PSD3: variants seen among roughly 807,000 people sequenced by gnomAD.
The protein encoded by PSD3 is pleckstrin and Sec7 domain containing 3, also known as PH and SEC7 domain-containing protein 3.
Under a neutral mutation model 105.5 loss-of-function variants are expected in PSD3, and 49 were observed. The ratio of observed to expected loss-of-function variants is 0.46; its 90% CI spans 0.37 to 0.59. PSD3 has a LOEUF of 0.59. Ranked by LOEUF, PSD3 falls within the 20% of genes least tolerant of loss-of-function variation. PSD3 has a pLI of 0.00. For missense variants in PSD3, 1,561 were observed against 1,263.8 expected (o/e 1.24, Z -3.57); for synonymous variants, 557 against 457.8 (o/e 1.22, Z -2.77).
In PSD3 at chr8:18,745,205, C is replaced by T. The variant is rs567158804; in HGVS notation, c.2172+20244G>A. Among the ~76,000 whole-genome samples the T allele has an allele frequency of 1.4e-4, 21 of 152,286 alleles. 1 individual carries two copies. In the South Asian group the frequency reaches 4.1e-3, roughly 30 times the overall value. On this transcript the variant is annotated intron_variant, in intron 9 of 15. Coordinates refer to ENST00000327040, the MANE Select transcript of PSD3 (RefSeq NM_015310.4). Reference sequence around the variant, plus strand: ...TCCTGGGAGAGATACTTTGAGACTACACAAATATCCTGTTTCTTCCCTAAC... The same window carrying T: ...TCCTGGGAGAGATACTTTGAGACTATACAAATATCCTGTTTCTTCCCTAAC...
chr8:18,618,954 C>T lies in PSD3; in HGVS notation c.2410+13659G>A, dbSNP rs73584000. ...GTGTCCAAAGATATCACGGAACTTCCTTTTGTAATTCAGTTCTCAGCCGAG... is the reference window on the plus strand; with the variant it reads ...GTGTCCAAAGATATCACGGAACTTCTTTTTGTAATTCAGTTCTCAGCCGAG... On this transcript the variant is annotated intron_variant, in intron 11 of 15. Transcript: ENST00000327040. Among the ~76,000 whole-genome samples, 309 of 152,218 alleles carry T rather than the reference C, an allele frequency of 2.0e-3. 2 individuals are homozygous for T. Among genetic ancestry groups the T allele is most frequent in the African/African-American group, 7.2e-3 (298 of 41,510 alleles).
chr8:18,827,382 G>A (rs1400685195), intron 4 of PSD3, among the ~76,000 whole-genome samples: 1 of 152,138 alleles, frequency 6.6e-6, no homozygotes, highest in Non-Finnish European at 1.5e-5. Flanking sequence ...CTTGTCCAAA[G>A]CAGTGCAAGA....
Position 18,605,376 on chromosome 8 carries a change from CT to C in PSD3, c.2411-4943del, listed in dbSNP as rs36029670. Among the ~76,000 whole-genome samples the C allele has an allele frequency of 8.8e-4, 133 of 151,522 alleles. 1 individual carries two copies. The highest frequency in any genetic ancestry group is 2.8e-3 in the African/African-American group (116 of 41,302). On this transcript the variant is annotated intron_variant, in intron 11 of 15. Transcript: ENST00000327040. ...CAGACTTCTATGGAGCCTGTAGCCCCTTTTTTTTGGTCCATATATTCCTTTT... is the reference window on the plus strand; with the variant it reads ...CAGACTTCTATGGAGCCTGTAGCCCCTTTTTTTGGTCCATATATTCCTTTT...
intron 8 of PSD3, among the ~76,000 whole-genome samples, chr8:18,773,824 G>A (rs1425327975): frequency 1.3e-5 from 2 of 152,116 alleles, no homozygotes; most frequent in African/African-American, 4.8e-5. Flanking sequence ...TGATTCTGTG[G>A]AATCTGAAGA....
At chr8:18,951,160 C>A (rs535702012) in intron 1 of PSD3, among the ~76,000 whole-genome samples, 5 of 152,018 alleles carry the variant, frequency 3.3e-5, no homozygotes, top group African/African-American at 1.2e-4. Flanking sequence ...TTTGGGAGGC[C>A]GTGGTGGGAA....
intron 8 of PSD3, among the ~76,000 whole-genome samples, chr8:18,767,678 T>C (rs935400003): frequency 2.0e-5 from 3 of 151,422 alleles, no homozygotes; most frequent in Non-Finnish European, 4.4e-5. Flanking sequence ...ACCCGGGAGG[T>C]GGAGGATGCA....
chr8:18,704,588 C>T (rs1287501472), intron 9 of PSD3, among the ~76,000 whole-genome samples: 1 of 152,226 alleles, frequency 6.6e-6, no homozygotes, highest in Non-Finnish European at 1.5e-5. Context: ...GATCTGCCTG[C>T]CTCAGCCTCA....
intron 4 of PSD3, among the ~76,000 whole-genome samples, chr8:18,828,067 A>ATATATATAT (rs371473289): frequency 1.6e-4 from 19 of 118,896 alleles, no homozygotes; most frequent in African/African-American, 4.6e-4. Context: ...ATATATATAT[A>ATATATATAT]TTTTTTTTTT....
At chr8:18,664,373 G>C (rs1809565224) in intron 9 of PSD3, among the ~76,000 whole-genome samples, 1 of 152,180 alleles carries the variant, frequency 6.6e-6, no homozygotes, top group Non-Finnish European at 1.5e-5. Context: ...AAATGGTCTG[G>C]ATAGAAGATC....
At chr8:18,941,391 C>A (rs1329319924) in intron 1 of PSD3, among the ~76,000 whole-genome samples, 2 of 151,926 alleles carry the variant, frequency 1.3e-5, no homozygotes, top group Admixed American at 1.3e-4. Context: ...AATGATTCTT[C>A]ACACTTCTGA....
chr8:19,023,660 C>T (rs1021857343), intron 1 of PSD3, among the ~76,000 whole-genome samples: 1 of 152,058 alleles, frequency 6.6e-6, no homozygotes, highest in Non-Finnish European at 1.5e-5. Flanking sequence ...TGGTCTGGAA[C>T]TCCCGGCCTC....
At chr8:18,596,782 T>A (rs1804135350) in intron 12 of PSD3, among the ~76,000 whole-genome samples, 1 of 151,964 alleles carries the variant, frequency 6.6e-6, no homozygotes, top group Non-Finnish European at 1.5e-5. Flanking sequence ...TACGGAGAGG[T>A]AGAAAATCTG....
chr8:18,934,465 C>T (rs1319927695), intron 2 of PSD3, among the ~76,000 whole-genome samples: 1 of 152,098 alleles, frequency 6.6e-6, no homozygotes, highest in African/African-American at 2.4e-5. Context: ...GGCTGGAGTG[C>T]AGTGGCGTGA....
chr8:18,848,248 G>A (rs560102339), intron 4 of PSD3, among the ~76,000 whole-genome samples: 1 of 152,288 alleles, frequency 6.6e-6, no homozygotes, highest in East Asian at 1.9e-4. Flanking sequence ...GTCTTCAGAT[G>A]TGTTTTCCTA....
chr8:18,925,429 A>G (rs1821300838), intron 2 of PSD3, among the ~76,000 whole-genome samples: 1 of 152,074 alleles, frequency 6.6e-6, no homozygotes, highest in Non-Finnish European at 1.5e-5. Flanking sequence ...ATATACATAT[A>G]ATAAAAATTC....
chr8:18,809,505 A>C (rs911474127), intron 4 of PSD3, among the ~76,000 whole-genome samples: 3 of 152,360 alleles, frequency 2.0e-5, no homozygotes, highest in Non-Finnish European at 2.9e-5. Context: ...GGTACCCAAT[A>C]AAATTTGAAT....
chr8:18,757,735 T>A (rs898921734), intron 9 of PSD3, among the ~76,000 whole-genome samples: 3 of 152,224 alleles, frequency 2.0e-5, no homozygotes, highest in Non-Finnish European at 4.4e-5. Context: ...TCTTCAAATA[T>A]CCAGAGTAAA....
intron 1 of PSD3, among the ~76,000 whole-genome samples, chr8:19,082,707 A>G (rs1472350027): frequency 6.6e-6 from 1 of 152,182 alleles, no homozygotes; most frequent in Non-Finnish European, 1.5e-5. Flanking sequence ...GAGAGTGGGA[A>G]AAGATGGGGT....
chr8:18,540,029 C>T (rs776730009), intron 15 of PSD3, among the ~76,000 whole-genome samples: 4 of 152,112 alleles, frequency 2.6e-5, no homozygotes, highest in Non-Finnish European at 4.4e-5. Context: ...AGAATGCCAG[C>T]GTGCCCAGCC....
Sources: allele counts gnomAD v4.1 joint callset (sites outside exome capture counted in the v4.1 genomes callset), GRCh38; gene constraint gnomAD v4.1.1; transcripts MANE v1.5; gene names NCBI Gene and HGNC (gene_info 2026-07-23, HGNC 2026-07-21).